Variants in ATP13A4 observed in about 807,000 individuals in gnomAD.
ATP13A4 encodes probable cation-transporting ATPase 13A4.
A neutral mutation model predicts 142.5 loss-of-function variants in ATP13A4; 114 were observed. The ratio of observed to expected loss-of-function variants is 0.80; its 90% CI spans 0.69 to 0.93. ATP13A4 has a LOEUF of 0.93. Among genes scored for constraint, ATP13A4 ranks in the 40% least tolerant of loss-of-function variants. The pLI, the probability that ATP13A4 is intolerant of heterozygous loss-of-function variation, is 0.00. For synonymous variants in ATP13A4, 488 were observed against 514.8 expected (o/e 0.95, Z 0.70); for missense variants, 1,392 against 1,454.0 (o/e 0.96, Z 0.69).
chr3:193,467,293 A>G (rs1482662514), intron 10 of ATP13A4, 23 bp downstream of exon 10: 1 of 1,613,818 alleles, frequency 6.2e-7, no homozygotes, highest in Non-Finnish European at 8.5e-7. Context: ...CATTAAAAAT[A>G]AGAAAAAGGA....
intron 25 of ATP13A4, among the ~76,000 whole-genome samples, chr3:193,417,782 G>A (rs1197533019): frequency 2.8e-5 from 4 of 141,768 alleles, no homozygotes; most frequent in Non-Finnish European, 6.1e-5. Context: ...TCAGGAGATC[G>A]AGACCATCCT....
chr3:193,496,899 C>T (rs1720268917), intron 3 of ATP13A4, among the ~76,000 whole-genome samples: 1 of 151,950 alleles, frequency 6.6e-6, no homozygotes, highest in Non-Finnish European at 1.5e-5. Context: ...CTGTATCTTA[C>T]CATACACAAA....
At position 193,417,857 on chromosome 3, in the gene ATP13A4, T is replaced by G. The variant is rs995376866; in HGVS notation, c.2843-3107A>C. Among the ~76,000 whole-genome samples the G allele has an allele frequency of 4.6e-4, 68 of 147,354 alleles. 2 individuals are homozygous for G. Among genetic ancestry groups the G allele is most frequent in the South Asian group, 1.9e-3 (9 of 4,658 alleles). On this transcript the variant is annotated intron_variant, in intron 25 of 29. Coordinates refer to ENST00000342695, the MANE Select transcript of ATP13A4 (RefSeq NM_032279.4). ...AAAATTAGCGGCCGGGCGCGGTGGC[T>G]CACGCCTGTAATCCCAGCACTTTGG... is the stretch of plus-strand genomic sequence containing the variant.
rs1271038541 is a variant in ATP13A4 at position 193,433,868 on chromosome 3, A to G, written c.2819T>C (p.Ile940Thr). 1 of 1,613,866 alleles carries G rather than the reference A, an allele frequency of 6.2e-7. No individual in the cohort carries two copies. Among genetic ancestry groups the G allele is most frequent in the South Asian group, 1.1e-5 (1 of 91,076 alleles). Reference protein sequence around the residue: ...NYQFLFQDLAITTLIGVTMNL... With the variant: ...NYQFLFQDLATTTLIGVTMNL... ...ACTTGTTACACCAATAAGAGTTGTA[A>G]TGGCCAGATCCTGGAACAGAAACTG... The change falls in exon 25 of 30, where the codon ATT becomes ACT. Residue 940 changes from isoleucine (I) to threonine (T), a missense_variant. Physicochemically the swap from Ile to Thr is moderately conservative, Grantham distance 89. Coordinates refer to ENST00000342695, the MANE Select transcript of ATP13A4 (RefSeq NM_032279.4).
chr3:193,456,358 T>C (rs1301030994), intron 16 of ATP13A4, among the ~76,000 whole-genome samples: 1 of 151,928 alleles, frequency 6.6e-6, no homozygotes, highest in East Asian at 1.9e-4. Flanking sequence ...GAGGAGGTGG[T>C]TCAGTAAAGG....
At chr3:193,555,500 T>C (rs1723851932), upstream of ATP13A4, among the ~76,000 whole-genome samples, 1 of 152,234 alleles carries the variant, frequency 6.6e-6, no homozygotes, top group African/African-American at 2.4e-5. Context: ...AAAGGTATCA[T>C]CAAACTAGTC....
At chr3:193,561,793 A>G (rs1724022265) in intron 2 of ATP13A4, among the ~76,000 whole-genome samples, 1 of 152,146 alleles carries the variant, frequency 6.6e-6, no homozygotes, top group African/African-American at 2.4e-5. Flanking sequence ...ATGTAACTTT[A>G]AAATAAGCCC....
rs149270045 is a variant in ATP13A4, at chr3:193,402,746, G to A, written c.3497C>T (p.Pro1166Leu). The A allele has an allele frequency of 7.0e-4, 1,131 of 1,608,448 alleles. 10 individuals are homozygous for A. In the South Asian group the frequency reaches 8.0e-3, roughly 11 times the overall value. ...GTCAGAGTGGGAGGTTTGGTTTAGC[G>A]GGGGCCAACTAGGGTCATTTGCCAA... Reference protein sequence around the residue: ...RDLANDPSWPPLNQTSHSDMP... With the variant: ...RDLANDPSWPLLNQTSHSDMP... The change falls in exon 30 of 30, where the codon CCG (proline) becomes CTG (leucine). Residue 1166 changes from proline to leucine, a missense_variant. By Grantham distance (98) the Pro-to-Leu change is moderately conservative. Transcript: ENST00000342695.
Position 193,402,877 on chromosome 3 carries a change from A to C in ATP13A4, c.3379-13T>G. On this transcript the variant is annotated splice_polypyrimidine_tract_variant and intron_variant, in intron 29 of 29. Transcript: ENST00000342695. ...CAATAACAGCCTCCTGCAAAATAAA[A>C]TAATTACTTTTTACAAGCAAGGGTT... The C allele has an allele frequency of 6.2e-7, 1 of 1,612,524 alleles. No homozygotes were observed. Among genetic ancestry groups the C allele is most frequent in the Non-Finnish European group, 8.5e-7 (1 of 1,178,962 alleles).
intron 1 of ATP13A4, among the ~76,000 whole-genome samples, chr3:193,527,610 TAAA>T (rs749744484): frequency 6.3e-5 from 8 of 127,474 alleles, no homozygotes; most frequent in Admixed American, 7.9e-5. Context: ...AGGCTCCATC[TAAA>T]AAAAAAAAAA....
At chr3:193,405,747 G>A (rs919025864) in intron 29 of ATP13A4, among the ~76,000 whole-genome samples, 1 of 152,038 alleles carries the variant, frequency 6.6e-6, no homozygotes, top group Non-Finnish European at 1.5e-5. Flanking sequence ...TAGTTAAGTC[G>A]TTACTTGCCT....
rs1714281312 is a variant in ATP13A4 at position 193,402,068 on chromosome 3, A to T, written c.*584T>A. The T allele has an allele frequency of 6.5e-6, 1 of 153,884 alleles. No individual in the cohort carries two copies. Among genetic ancestry groups the T allele is most frequent in the African/African-American group, 2.4e-5 (1 of 41,462 alleles). The allele number at this position is 153,884 out of a possible 1,614,324, so 9.5% of individuals were successfully genotyped here. Reference sequence around the variant, plus strand: ...TCACGAAAGAAGCACTTGTGTGTTAAGGCACTGATATCTGAGAGTTGTTTT... The same window carrying T: ...TCACGAAAGAAGCACTTGTGTGTTATGGCACTGATATCTGAGAGTTGTTTT... On this transcript the variant is annotated 3_prime_UTR_variant, in exon 30 of 30. Coordinates refer to ENST00000342695, the MANE Select transcript of ATP13A4 (RefSeq NM_032279.4).
At chr3:193,440,429 A>G in intron 21 of ATP13A4, 129 bp downstream of exon 21, 2 of 1,515,498 alleles carry the variant, frequency 1.3e-6, no homozygotes, top group Non-Finnish European at 1.8e-6. Flanking sequence ...CTCCCAAGTG[A>G]TTATCTCATG....
At chr3:193,472,412 C>A (rs1289919168) in intron 8 of ATP13A4, among the ~76,000 whole-genome samples, 1 of 152,142 alleles carries the variant, frequency 6.6e-6, no homozygotes, top group Non-Finnish European at 1.5e-5. Flanking sequence ...ACTACTTGTG[C>A]CCCAAAGCAC....
At chr3:193,517,379 T>C (rs1371808556) in intron 1 of ATP13A4, among the ~76,000 whole-genome samples, 1 of 152,222 alleles carries the variant, frequency 6.6e-6, no homozygotes, top group Non-Finnish European at 1.5e-5. Context: ...AATTGTCACC[T>C]GAATGGGGTG....
chr3:193,433,329 A>G lies in ATP13A4; in HGVS notation c.2842+516T>C, dbSNP rs1310196427. Reference sequence around the variant, plus strand: ...ACCTAAGACAGCCCTAAAAAAGAATAAAGTCAAAAATAAAAAAATTTTCCA... The same window carrying G: ...ACCTAAGACAGCCCTAAAAAAGAATGAAGTCAAAAATAAAAAAATTTTCCA... On this transcript the variant is annotated intron_variant, in intron 25 of 29. Transcript: ENST00000342695. Among the ~76,000 whole-genome samples, 7 of 152,316 alleles carry G rather than the reference A, an allele frequency of 4.6e-5. No homozygotes were observed. The East Asian group carries it at 1.2e-3, about 25-fold the overall frequency.
intron 2 of ATP13A4, among the ~76,000 whole-genome samples, chr3:193,507,324 C>T (rs1462161196): frequency 6.6e-6 from 1 of 152,086 alleles, no homozygotes; most frequent in Non-Finnish European, 1.5e-5. Context: ...TTTATTTTTA[C>T]AGCTATCATT....
At chr3:193,573,303 A>ATGTGTG (rs1454825709) in intron 2 of ATP13A4, among the ~76,000 whole-genome samples, 3 of 99,282 alleles carry the variant, frequency 3.0e-5, no homozygotes, top group African/African-American at 7.4e-5. Context: ...ATATATATAT[A>ATGTGTG]TATACATATA....
intron 25 of ATP13A4, among the ~76,000 whole-genome samples, chr3:193,418,075 T>A (rs1439120843): frequency 3.1e-5 from 3 of 96,898 alleles, no homozygotes; most frequent in Non-Finnish European, 5.5e-5. Context: ...TGAGCCGAGA[T>A]CCCGCCACTG....
Sources: gnomAD v4.1 joint callset for allele counts (sites outside exome capture counted in the v4.1 genomes callset) on GRCh38, gnomAD v4.1.1 for gene constraint, MANE v1.5 for transcripts, NCBI Gene and HGNC (gene_info 2026-07-23, HGNC 2026-07-21) for gene names.